Variants in ST6GALNAC6 observed in about 807,000 individuals in gnomAD.
ST6GALNAC6 encodes the protein alpha-N-acetylgalactosaminide alpha-2,6-sialyltransferase 6.
In ST6GALNAC6, 19 loss-of-function variants were observed where a neutral mutation model predicts 34.3. The observed-to-expected ratio is 0.55, with a 90% confidence interval of 0.39 to 0.81. The LOEUF (loss-of-function observed/expected upper bound fraction) is 0.81. ST6GALNAC6 is among the 40% of genes least tolerant of loss of function. The pLI is 0.00. For synonymous variants in ST6GALNAC6, 185 were observed against 182.1 expected, an observed-to-expected ratio of 1.02 and a Z score of -0.13; for missense variants, 377 against 467.7, an observed-to-expected ratio of 0.81 and a Z score of 1.79.
Position 127,899,258 on chromosome 9 carries a change from A to C in ST6GALNAC6, c.-30+245T>G, listed in dbSNP as rs1830651051. ...CTAACCCCAGCTGGGAAGAAAAGAG[A>C]GGCAGGACCGCTGACGGGGTAGTCG... On this transcript the variant is annotated intron_variant, in intron 1 of 6. Transcript: ENST00000373146. The C allele has an allele frequency of 3.3e-5, 5 of 153,420 alleles. No homozygotes were observed. In the South Asian group the frequency reaches 8.3e-4, roughly 25 times the overall value. 9.5% of individuals were successfully genotyped at this position (153,420 alleles called of 1,614,324 possible). A position where few individuals can be genotyped will look rare whatever the true frequency, so the allele number is the denominator to read the frequency against.
Position 127,885,340 on chromosome 9 carries a change from A to T in ST6GALNAC6, c.*1259T>A, listed in dbSNP as rs1400204013. ...ACGAAGCCGGAGCGTAGGTGTGTTT[A>T]TTCCTGTACAAATCATTACAAAACC... is the stretch of plus-strand genomic sequence containing the variant. On this transcript the variant is annotated 3_prime_UTR_variant, in exon 7 of 7. Transcript: ENST00000373146. 5 of 152,228 alleles carry T rather than the reference A, an allele frequency of 3.3e-5. No homozygotes were observed. Among genetic ancestry groups the T allele is most frequent in the African/African-American group, 1.2e-4 (5 of 41,412 alleles). The allele number at this position is 152,228 out of a possible 1,614,324, so 9.4% of individuals were successfully genotyped here. A position where few individuals can be genotyped will look rare whatever the true frequency, so the allele number is the denominator to read the frequency against.
intron 3 of ST6GALNAC6, among the ~76,000 whole-genome samples, chr9:127,895,830 G>T (rs1314682372): frequency 6.6e-6 from 1 of 152,152 alleles, no homozygotes; most frequent in African/African-American, 2.4e-5. Flanking sequence ...ATGAATGAAT[G>T]AAAGAATGAT....
upstream of ST6GALNAC6, among the ~76,000 whole-genome samples, chr9:127,901,123 G>A (rs1025049482): frequency 1.3e-5 from 2 of 151,412 alleles, no homozygotes; most frequent in African/African-American, 4.9e-5. Flanking sequence ...TAGCAGCATC[G>A]CTATGGGGAA....
chr9:127,905,104 G>A (rs1344809159), intron 1 of ST6GALNAC6: 2 of 627,492 alleles, frequency 3.2e-6, no homozygotes, highest in African/African-American at 4.0e-5. Context: ...CTCTGCTGAG[G>A]GGCAAAGGAA....
chr9:127,895,955 C>T (rs1434362952), intron 3 of ST6GALNAC6, among the ~76,000 whole-genome samples: 2 of 152,206 alleles, frequency 1.3e-5, no homozygotes, highest in Non-Finnish European at 2.9e-5. Flanking sequence ...CTCTCCTGCA[C>T]AGCACTCCAC....
rs1441465038 is a variant in ST6GALNAC6, at chr9:127,885,689, C to G, written c.*910G>C. The G allele has an allele frequency of 1.3e-5, 2 of 152,260 alleles. No individual in the cohort carries two copies. Among genetic ancestry groups the G allele is most frequent in the Non-Finnish European group, 2.9e-5 (2 of 68,074 alleles). 9.4% of individuals were successfully genotyped at this position (152,260 alleles called of 1,614,324 possible). On this transcript the variant is annotated 3_prime_UTR_variant, in exon 7 of 7. Transcript: ENST00000373146. ...GGCGCCTCCAACAGTTGGAAAACCT[C>G]CCTGCTAGAGGGCAGAAAAGGAGGC...
At chr9:127,897,762 A>G in intron 2 of ST6GALNAC6, 194 bp downstream of exon 2, 2 of 1,374,956 alleles carry the variant, frequency 1.5e-6, no homozygotes, top group South Asian at 2.9e-5. Context: ...CCAGCCGCCT[A>G]TATCTTACTA....
upstream of ST6GALNAC6, among the ~76,000 whole-genome samples, chr9:127,900,991 CAAAAAAAAAAAA>C (rs56673204): frequency 2.1e-4 from 13 of 61,006 alleles, no homozygotes; most frequent in African/African-American, 6.3e-4. Flanking sequence ...AACTCCCTAT[CAAAAAAAAAAAA>C]AAAAAAAAAA....
At chr9:127,886,962 A>ATTTT (rs35918357) in intron 6 of ST6GALNAC6, among the ~76,000 whole-genome samples, 174 bp from the exon 7 acceptor site, 1 of 145,290 alleles carries the variant, frequency 6.9e-6, no homozygotes. Flanking sequence ...GTAACCACCA[A>ATTTT]TTTTTTTTTT....
Position 127,897,998 on chromosome 9 carries a change from T to A in ST6GALNAC6, c.-17A>T. 6.9e-7 allele frequency: 1 copy of A among 1,441,772 alleles called. No homozygotes were observed. Among genetic ancestry groups the A allele is most frequent in the Non-Finnish European group, 9.7e-7 (1 of 1,031,124 alleles). 89.3% of individuals were successfully genotyped at this position (1,441,772 alleles called of 1,614,324 possible). A position where few individuals can be genotyped will look rare whatever the true frequency, so the allele number is the denominator to read the frequency against. ...GCAAGCCATGTGACCTCTCTGAGCC[T>A]CAGTTTCCTCATCTGTGAAATGGGA... On this transcript the variant is annotated 5_prime_UTR_variant, in exon 2 of 7. Transcript: ENST00000373146.
At chr9:127,897,299 G>A (rs898097774) in intron 2 of ST6GALNAC6, 1 of 985,840 alleles carries the variant, frequency 1.0e-6, no homozygotes, top group African/African-American at 1.7e-5. Flanking sequence ...CTGGGGCTTA[G>A]GGGGCCCTCC....
chr9:127,891,821 G>A (rs1319826304), intron 4 of ST6GALNAC6, among the ~76,000 whole-genome samples: 3 of 150,778 alleles, frequency 2.0e-5, no homozygotes, highest in Non-Finnish European at 4.4e-5. Context: ...AGGGGCAAGT[G>A]ACCAAAGAGC....
upstream of ST6GALNAC6, among the ~76,000 whole-genome samples, chr9:127,901,150 T>C (rs186153156): frequency 1.3e-5 from 2 of 151,978 alleles, no homozygotes; most frequent in East Asian, 1.9e-4. Flanking sequence ...CAAATATCCA[T>C]CAACAAGAGA....
At chr9:127,893,983 G>A (rs867731049) in intron 4 of ST6GALNAC6, among the ~76,000 whole-genome samples, 9 of 152,236 alleles carry the variant, frequency 5.9e-5, no homozygotes, top group South Asian at 2.1e-4. Flanking sequence ...TCTTAGCAGC[G>A]GGTAGGAAAA....
chr9:127,905,898 C>T (rs1001559125), upstream of ST6GALNAC6: 11 of 980,266 alleles, frequency 1.1e-5, no homozygotes, highest in African/African-American at 1.8e-4. Flanking sequence ...CGGAAACCCC[C>T]TCCACCTCCG....
intron 1 of ST6GALNAC6, among the ~76,000 whole-genome samples, chr9:127,898,791 C>A (rs141468610): frequency 1.3e-5 from 2 of 152,378 alleles, no homozygotes; most frequent in Non-Finnish European, 2.9e-5. Context: ...TCCCTCTCGG[C>A]TGGAACGGGT....
At chr9:127,897,341 A>G in intron 2 of ST6GALNAC6, 1 of 985,824 alleles carries the variant, frequency 1.0e-6, no homozygotes, top group African/African-American at 1.7e-5. Flanking sequence ...GGGGCCTCTC[A>G]GTTCCTGTAT....
chr9:127,899,002 GC>G (rs762907128), intron 1 of ST6GALNAC6, among the ~76,000 whole-genome samples: 1 of 152,220 alleles, frequency 6.6e-6, no homozygotes, highest in Non-Finnish European at 1.5e-5. Context: ...GCCACACCCT[GC>G]CCTCTGTTTG....
At chr9:127,891,180 C>T in intron 4 of ST6GALNAC6, 137 bp from the exon 5 acceptor site, 1 of 1,105,752 alleles carries the variant, frequency 9.0e-7, no homozygotes, top group Non-Finnish European at 1.3e-6. Context: ...ATTCCACATT[C>T]AGCACACATT....
Sources: gnomAD v4.1 joint callset for allele counts (sites outside exome capture counted in the v4.1 genomes callset) on GRCh38, gnomAD v4.1.1 for gene constraint, MANE v1.5 for transcripts, NCBI Gene and HGNC (gene_info 2026-07-23, HGNC 2026-07-21) for gene names.